The following MASP1 variants were observed in gnomAD, a reference collection of about 807,000 sequenced individuals.
The protein encoded by MASP1 is MBL associated serine protease 1, also known as mannan-binding lectin serine protease 1.
In MASP1, 59 loss-of-function variants were observed where a neutral mutation model predicts 77.1. The observed-to-expected ratio is 0.77, with a 90% CI of 0.62 to 0.95. The LOEUF (loss-of-function observed/expected upper bound fraction) is 0.95, where lower values mean the gene tolerates loss of function less well. MASP1 is among the 40% of genes least tolerant of loss of function. The pLI is 0.00. For synonymous variants in MASP1, 362 were observed against 354.5 expected, an observed-to-expected ratio of 1.02 and a Z score of -0.24; for missense variants, 885 against 912.9, an observed-to-expected ratio of 0.97 and a Z score of 0.39.
downstream of MASP1, among the ~76,000 whole-genome samples, chr3:187,229,409 C>T (rs1169877227): frequency 2.0e-5 from 3 of 152,148 alleles, no homozygotes; most frequent in Non-Finnish European, 4.4e-5. Context: ...CCTAAAGCAG[C>T]GTTCAAGACA....
At chr3:187,253,506 T>A (rs1460040352) in intron 5 of MASP1, among the ~76,000 whole-genome samples, 191 bp from the exon 6 acceptor site, 2 of 152,184 alleles carry the variant, frequency 1.3e-5, no homozygotes, top group African/African-American at 2.4e-5. Flanking sequence ...CTCTCTTTTA[T>A]AATTTACAAT....
In MASP1 at chr3:187,258,012, A is replaced by G. The variant is rs115127168; in HGVS notation, c.548-1152T>C. Among the ~76,000 whole-genome samples, 694 of 152,322 alleles carry G rather than the reference A, an allele frequency of 4.6e-3. 8 individuals are homozygous for G. The highest frequency in any genetic ancestry group is 0.016 in the African/African-American group (663 of 41,570). On this transcript the variant is annotated intron_variant, in intron 4 of 10. Coordinates refer to ENST00000296280, the MANE Select transcript of MASP1 (RefSeq NM_139125.4). Reference sequence around the variant, plus strand: ...AGACTCCTTGTGGAAATAAAATACCAAATTATAAATGATGAAGGAACTAAG... The same window carrying G: ...AGACTCCTTGTGGAAATAAAATACCGAATTATAAATGATGAAGGAACTAAG...
exon 16 of MASP1, chr3:187,219,082 C>T (rs1286919609): frequency 6.6e-6 from 1 of 152,240 alleles, no homozygotes; most frequent in Admixed American, 6.5e-5. Context: ...GTCCCATGTC[C>T]TTGGGAACCC....
intron 2 of MASP1, 25 bp from the exon 3 acceptor site, chr3:187,262,745 C>A (rs781388879): frequency 5.0e-6 from 8 of 1,608,986 alleles, no homozygotes; most frequent in Non-Finnish European, 6.8e-6. Context: ...AGAAAGGGAA[C>A]AAGATGAGCA....
chr3:187,236,457 T>G lies in MASP1; in HGVS notation c.1414A>C (p.Thr472Pro), dbSNP rs1713192289. 6.2e-7 allele frequency: 1 copy of G among 1,614,056 alleles called. No homozygotes were observed. The highest frequency in any genetic ancestry group is 1.1e-5 in the South Asian group (1 of 91,086). The change falls in exon 11 of 11, where the codon ACT becomes CCT. Residue 472 changes from threonine (T) to proline (P), a missense_variant. Coordinates refer to ENST00000296280, the MANE Select transcript of MASP1 (RefSeq NM_139125.4). ...CACTTGTCATTTGGCACTCTCGAAG[T>G]GTCCTCCACCACTATCAGGGCCTGC... The part of the protein sequence containing the change: ...PWQALIVVED[T>P]SRVPNDKWFG...
rs965937181 is a variant in MASP1, at chr3:187,243,443, G to A, written c.1228+41C>T. On this transcript the variant is annotated intron_variant, in intron 9 of 10. Transcript: ENST00000296280. ...CCAGTCCAACCCTGAGGCCCCGAGA[G>A]TGTGAAACGGGAGTGGGATGGCTTA... 5.6e-6 allele frequency: 9 copies of A among 1,612,282 alleles called. No individual in the cohort carries two copies. In the African/African-American group the frequency reaches 1.2e-4, roughly 22 times the overall value.
rs1049193899 is a variant in MASP1 at position 187,264,064 on chromosome 3, G to A, written c.238-1344C>T. On this transcript the variant is annotated intron_variant, in intron 2 of 10. Transcript: ENST00000296280. The stretch of plus-strand genomic sequence containing the variant: ...AAGTTCTCAAAGGCGGCTATCTCTA[G>A]TAGCTTCTAATGAATTCATTGTTTT... Among the ~76,000 whole-genome samples the A allele has an allele frequency of 3.9e-5, 6 of 152,282 alleles. 1 individual carries two copies. In the East Asian group the frequency reaches 9.6e-4, roughly 24 times the overall value.
chr3:187,262,478 CA>C (rs1289742655), intron 3 of MASP1, 64 bp downstream of exon 3: 47 of 1,525,310 alleles, frequency 3.1e-5, no homozygotes, highest in Non-Finnish European at 3.8e-5. Context: ...GGAGAGGTCA[CA>C]AGGCAGTTTT....
chr3:187,237,591 G>A (rs1265300881), intron 10 of MASP1, among the ~76,000 whole-genome samples: 1 of 152,244 alleles, frequency 6.6e-6, no homozygotes, highest in Non-Finnish European at 1.5e-5. Flanking sequence ...AAAGATCTGA[G>A]CAAACTTCGT....
chr3:187,251,809 G>A, intron 6 of MASP1, 57 bp from the exon 7 acceptor site: 1 of 1,336,666 alleles, frequency 7.5e-7, no homozygotes, highest in Admixed American at 1.7e-5. Context: ...TGACCTTAAA[G>A]GGCCAGTCCC....
intron 5 of MASP1, among the ~76,000 whole-genome samples, chr3:187,254,718 T>A (rs1714925867): frequency 6.6e-6 from 1 of 151,888 alleles, no homozygotes; most frequent in Non-Finnish European, 1.5e-5. Flanking sequence ...AGGGAGGTGA[T>A]GAGTTTGCAG....
chr3:187,250,151 A>T, intron 8 of MASP1, 100 bp downstream of exon 8: 1 of 935,514 alleles, frequency 1.1e-6, no homozygotes, highest in Non-Finnish European at 1.8e-6. Context: ...CATCCCCCTT[A>T]GAGTGCTCCT....
chr3:187,286,775 A>G (rs1421611173), intron 1 of MASP1, among the ~76,000 whole-genome samples: 1 of 152,210 alleles, frequency 6.6e-6, no homozygotes, highest in Non-Finnish European at 1.5e-5. Context: ...TCACCACACC[A>G]GGCTTCTGTC....
At position 187,220,438 on chromosome 3, in the gene MASP1, C is replaced by T. The variant is rs972718184; in HGVS notation, c.1910-177G>A. On this transcript the variant is annotated intron_variant, in intron 15 of 15. Transcript: ENST00000337774. ...AGGCCGCATCAGAGCTCAAATGATT[C>T]TAAAAAGCCCTGATTCAGACCTCTT... Among the ~76,000 whole-genome samples the T allele has an allele frequency of 3.3e-5, 5 of 151,990 alleles. No individual in the cohort carries two copies. In the South Asian group the frequency reaches 8.3e-4, roughly 25 times the overall value.
downstream of MASP1, chr3:187,229,872 C>T (rs1712662628): frequency 1.2e-6 from 2 of 1,614,022 alleles, no homozygotes; most frequent in Non-Finnish European, 1.7e-6. Flanking sequence ...CCATCAGCTT[C>T]CGGGAGAACT....
intron 1 of MASP1, among the ~76,000 whole-genome samples, chr3:187,289,153 T>A (rs1469053694): frequency 2.0e-5 from 3 of 148,824 alleles, no homozygotes; most frequent in African/African-American, 7.7e-5. Flanking sequence ...AAAAGTAATA[T>A]ATAGAGCTGA....
In MASP1 at chr3:187,236,030, G is replaced by A. The variant is rs1219141842; in HGVS notation, c.1841C>T (p.Ser614Leu). The A allele has an allele frequency of 6.2e-7, 1 of 1,614,084 alleles. No homozygotes were observed. The highest frequency in any genetic ancestry group is 1.7e-5 in the Admixed American group (1 of 60,012). ...TAACTTGACATACTGCAGGACATCTGACAAGGTCCGTGTGCCACTGCTGAT... is the reference window on the plus strand; with the variant it reads ...TAACTTGACATACTGCAGGACATCTAACAAGGTCCGTGTGCCACTGCTGAT... ...EIISSGTRTL[S>L]DVLQYVKLPV... Residue 614 changes from serine (S) to leucine (L), a missense_variant, in exon 11 of 11, where the codon TCA (serine) becomes TTA (leucine). Physicochemically the swap from Ser to Leu is moderately radical, Grantham distance 145 (BLOSUM62 -2). Transcript: ENST00000296280.
intron 4 of MASP1, among the ~76,000 whole-genome samples, chr3:187,259,349 C>T (rs1715364809): frequency 6.6e-6 from 1 of 151,996 alleles, no homozygotes; most frequent in Admixed American, 6.6e-5. Flanking sequence ...CATTTTTTAC[C>T]CCAAGCATTC....
At chr3:187,229,532 T>C (rs551732974), downstream of MASP1, among the ~76,000 whole-genome samples, 17 of 152,266 alleles carry the variant, frequency 1.1e-4, no homozygotes, top group Middle Eastern at 3.4e-3. Context: ...ATGCCCTGTC[T>C]TTGACCTCCA....
Sources: gnomAD v4.1 joint callset for allele counts (sites outside exome capture counted in the v4.1 genomes callset) on GRCh38, gnomAD v4.1.1 for gene constraint, MANE v1.5 for transcripts, NCBI Gene and HGNC (gene_info 2026-07-23, HGNC 2026-07-21) for gene names.